Variants in DLGAP2 observed in about 807,000 individuals in gnomAD.
DLGAP2 encodes disks large-associated protein 2.
A neutral mutation model predicts 100.3 loss-of-function variants in DLGAP2; 26 were observed. The ratio of observed to expected loss-of-function variants is 0.26; its 90% CI spans 0.19 to 0.36. The LOEUF is 0.36. Among genes scored for constraint, DLGAP2 ranks in the 10% least tolerant of loss-of-function variants. DLGAP2 has a pLI of 1.00. For missense variants in DLGAP2, 1,858 were observed against 1,453.2 expected (o/e 1.28, Z -4.53); for synonymous variants, 886 against 630.1 (o/e 1.41, Z -6.08).
intron 1 of DLGAP2, among the ~76,000 whole-genome samples, chr8:795,355 T>C (rs960138431): frequency 1.3e-5 from 2 of 152,176 alleles, no homozygotes; most frequent in Non-Finnish European, 2.9e-5. Context: ...TGGGCGAAGC[T>C]TCTCTAACAC....
intron 2 of DLGAP2, among the ~76,000 whole-genome samples, chr8:1,039,686 A>C (rs1262738637): frequency 9.8e-6 from 1 of 102,274 alleles, no homozygotes; most frequent in Non-Finnish European, 1.9e-5. Context: ...GTGCGTGGTC[A>C]GCTCGGTGTG....
intron 2 of DLGAP2, among the ~76,000 whole-genome samples, chr8:936,375 G>T (rs1175638775): frequency 6.6e-6 from 1 of 152,208 alleles, no homozygotes; most frequent in Non-Finnish European, 1.5e-5. Flanking sequence ...GATGTTTGCT[G>T]TTGAGTAGGA....
intron 8 of DLGAP2, among the ~76,000 whole-genome samples, chr8:1,650,454 G>C (rs1301284533): frequency 6.6e-6 from 1 of 152,260 alleles, no homozygotes; most frequent in African/African-American, 2.4e-5. Context: ...ATAAGGCACA[G>C]GAGTGGTCTC....
intron 2 of DLGAP2, among the ~76,000 whole-genome samples, chr8:1,030,173 G>A (rs1801933813): frequency 6.6e-6 from 1 of 152,210 alleles, no homozygotes; most frequent in Non-Finnish European, 1.5e-5. Flanking sequence ...CTAAGTGGGA[G>A]ATCCAGCTCT....
At chr8:1,573,688 T>G (rs956552330) in intron 6 of DLGAP2, among the ~76,000 whole-genome samples, 1 of 152,168 alleles carries the variant, frequency 6.6e-6, no homozygotes, top group African/African-American at 2.4e-5. Context: ...TCAGTCCAGA[T>G]GCTGGCAAGC....
intron 1 of DLGAP2, among the ~76,000 whole-genome samples, chr8:867,736 CA>C (rs1257586642): frequency 6.6e-6 from 1 of 152,184 alleles, no homozygotes; most frequent in Non-Finnish European, 1.5e-5. Flanking sequence ...GCAGGTTTCT[CA>C]GTGCGTAATT....
At chr8:917,642 G>A (rs899836305) in intron 2 of DLGAP2, among the ~76,000 whole-genome samples, 3 of 152,154 alleles carry the variant, frequency 2.0e-5, no homozygotes, top group Admixed American at 6.5e-5. Context: ...GTGCAGTGGT[G>A]CGATCTCAGC....
At chr8:1,163,908 C>A (rs898977357) in intron 2 of DLGAP2, among the ~76,000 whole-genome samples, 5 of 152,116 alleles carry the variant, frequency 3.3e-5, no homozygotes, top group African/African-American at 1.2e-4. Context: ...AGAGAAAGTC[C>A]GGCGTCCGCG....
At chr8:1,190,387 G>A (rs920795286) in intron 2 of DLGAP2, among the ~76,000 whole-genome samples, 1 of 151,950 alleles carries the variant, frequency 6.6e-6, no homozygotes, top group Non-Finnish European at 1.5e-5. Flanking sequence ...GGAGTGGCGA[G>A]AGTCAGGGTC....
intron 2 of DLGAP2, among the ~76,000 whole-genome samples, chr8:1,150,239 C>T (rs1404667024): frequency 6.6e-6 from 1 of 152,186 alleles, no homozygotes; most frequent in Non-Finnish European, 1.5e-5. Flanking sequence ...GATGTTTTCT[C>T]AGCTCTAGAA....
At chr8:1,648,558 C>T (rs1585031154) in intron 8 of DLGAP2, among the ~76,000 whole-genome samples, 1 of 152,222 alleles carries the variant, frequency 6.6e-6, no homozygotes, top group Admixed American at 6.5e-5. Flanking sequence ...TTGGTCCCCT[C>T]ATTGGTCCCC....
rs143214655 is a variant in DLGAP2, at chr8:970,280, C to T, written c.73+62314C>T. On this transcript the variant is annotated intron_variant, in intron 2 of 14. Coordinates refer to ENST00000637795, the MANE Select transcript of DLGAP2 (RefSeq NM_001346810.2). Reference sequence around the variant, plus strand: ...GGTGGGTTTGCAAGAAATACCAAGTCACAAAGAAATTATAGGTGTGTTGAC... The same window carrying T: ...GGTGGGTTTGCAAGAAATACCAAGTTACAAAGAAATTATAGGTGTGTTGAC... 1.2e-3 allele frequency among the ~76,000 whole-genome samples: 179 copies of T among 152,244 alleles called. 1 individual carries two copies. The highest frequency in any genetic ancestry group is 2.2e-3 in the Non-Finnish European group (153 of 68,002).
intron 1 of DLGAP2, among the ~76,000 whole-genome samples, chr8:786,181 C>T (rs930929949): frequency 1.3e-5 from 2 of 152,156 alleles, no homozygotes; most frequent in African/African-American, 2.4e-5. Context: ...CGTCCTTGCC[C>T]CTCTTCAGTC....
At chr8:1,634,480 C>T (rs1176588332) in intron 8 of DLGAP2, among the ~76,000 whole-genome samples, 1 of 152,178 alleles carries the variant, frequency 6.6e-6, no homozygotes, top group Non-Finnish European at 1.5e-5. Context: ...TGCGTAGCCT[C>T]CTGTTTTCCT....
chr8:1,341,685 T>G (rs920032542), intron 3 of DLGAP2, among the ~76,000 whole-genome samples: 32 of 152,182 alleles, frequency 2.1e-4, no homozygotes, highest in Non-Finnish European at 3.4e-4. Context: ...GAAACAGAGA[T>G]GAGCCCCTGA....
At chr8:1,123,172 A>T (rs930536269) in intron 2 of DLGAP2, among the ~76,000 whole-genome samples, 2 of 152,246 alleles carry the variant, frequency 1.3e-5, no homozygotes, top group Non-Finnish European at 2.9e-5. Flanking sequence ...TTTGTGAATT[A>T]TGAACCAAAA....
intron 1 of DLGAP2, among the ~76,000 whole-genome samples, chr8:759,303 TC>T (rs1465241098): frequency 6.9e-6 from 1 of 145,870 alleles, no homozygotes; most frequent in Non-Finnish European, 1.5e-5. Flanking sequence ...CCCCACAGCC[TC>T]CCCATTATCA....
intron 6 of DLGAP2, among the ~76,000 whole-genome samples, chr8:1,595,655 C>T (rs1244480708): frequency 7.8e-6 from 1 of 127,472 alleles, no homozygotes; most frequent in Admixed American, 9.1e-5. Context: ...GCCTGGGCGA[C>T]AGAGCGAGAC....
chr8:1,267,623 T>TAAAATA (rs57138660), intron 3 of DLGAP2, among the ~76,000 whole-genome samples: 1 of 76,626 alleles, frequency 1.3e-5, no homozygotes, highest in South Asian at 3.7e-4. Context: ...TAAGATAAGA[T>TAAAATA]AAATATTAAA....
Sources: gnomAD v4.1 joint callset for allele counts (sites outside exome capture counted in the v4.1 genomes callset) on GRCh38, gnomAD v4.1.1 for gene constraint, MANE v1.5 for transcripts, NCBI Gene and HGNC (gene_info 2026-07-23, HGNC 2026-07-21) for gene names.